Variants in SORCS2 observed in about 807,000 individuals in gnomAD.
SORCS2 encodes VPS10 domain-containing receptor SorCS2.
Under a neutral mutation model 141.6 loss-of-function variants are expected in SORCS2, and 100 were observed. The observed-to-expected ratio is 0.71, with a 90% CI of 0.60 to 0.83. SORCS2 has a LOEUF of 0.83. SORCS2 is among the 40% of genes least tolerant of loss of function. The probability of loss-of-function intolerance (pLI) is 0.00; values close to 1 mark genes in which losing one functional copy is unlikely to be tolerated. For missense variants in SORCS2, 1,646 were observed against 1,560.2 expected, an observed-to-expected ratio of 1.05 and a Z score of -0.93; for synonymous variants, 789 against 676.9, an observed-to-expected ratio of 1.17 and a Z score of -2.57.
rs1426008946 is a variant in SORCS2, at chr4:7,192,790, G to T, written c.144G>T (p.Ala48=). 5 of 1,014,980 alleles carry T rather than the reference G, an allele frequency of 4.9e-6. No individual in the cohort carries two copies. Among genetic ancestry groups the T allele is most frequent in the Non-Finnish European group, 5.9e-6 (5 of 851,346 alleles). The allele number at this position is 1,014,980 out of a possible 1,614,324, so 62.9% of individuals were successfully genotyped here. A position where few individuals can be genotyped will look rare whatever the true frequency, so the allele number is the denominator to read the frequency against. Residue 48 remains alanine, a synonymous_variant, in exon 1 of 27, where the codon GCG becomes GCT. Transcript: ENST00000507866. This position sits in a 1 kb window ranked among gnomAD's most constrained non-coding sequence, Gnocchi z 4.0. Reference sequence around the variant, plus strand: ...TGCTGCTGCTGGGCGCCTGCGGGGCGGCGGGGCGCTCCCCTGAGCCCGGGC... The same window carrying T: ...TGCTGCTGCTGGGCGCCTGCGGGGCTGCGGGGCGCTCCCCTGAGCCCGGGC... The part of the protein sequence containing the change: ...LLLLLLGACG[A]AGRSPEPGRL...
intron 2 of SORCS2, among the ~76,000 whole-genome samples, chr4:7,413,764 T>G (rs116696483): frequency 1.8e-3 from 278 of 152,352 alleles, no homozygotes; most frequent in Middle Eastern, 3.4e-3. Flanking sequence ...CAAGTCCTCA[T>G]TTTTAGACCT....
At chr4:7,577,939 A>G (rs1424261015) in intron 3 of SORCS2, among the ~76,000 whole-genome samples, 1 of 151,352 alleles carries the variant, frequency 6.6e-6, no homozygotes, top group Non-Finnish European at 1.5e-5. Flanking sequence ...TGGTTTGGAG[A>G]AGTCATATAG....
chr4:7,668,560 C>T lies in SORCS2; in HGVS notation c.1161+1347C>T, dbSNP rs187197316. Among the ~76,000 whole-genome samples, 198 of 152,286 alleles carry T rather than the reference C, an allele frequency of 1.3e-3. 1 individual carries two copies. The highest frequency in any genetic ancestry group is 4.1e-3 in the African/African-American group (171 of 41,570). On this transcript the variant is annotated intron_variant, in intron 8 of 26. Coordinates refer to ENST00000507866, the MANE Select transcript of SORCS2 (RefSeq NM_020777.3). ...GTGCTTGCACATGGGAGCTTCTGCA[C>T]TGGGCACCCTCAGACCTCTCCTGAG... is the stretch of plus-strand genomic sequence containing the variant.
chr4:7,305,412 A>C (rs1407656201), intron 1 of SORCS2, among the ~76,000 whole-genome samples: 3 of 148,850 alleles, frequency 2.0e-5, no homozygotes, highest in African/African-American at 7.5e-5. Flanking sequence ...TACAATCCTG[A>C]GAAGGAGGGG....
intron 1 of SORCS2, among the ~76,000 whole-genome samples, chr4:7,336,824 C>A (rs1720017080): frequency 6.6e-6 from 1 of 152,152 alleles, no homozygotes; most frequent in Admixed American, 6.5e-5. Flanking sequence ...GGGCTCGGGG[C>A]CCAGTTGGCA....
At chr4:7,303,107 T>C (rs1717552635) in intron 1 of SORCS2, among the ~76,000 whole-genome samples, 1 of 152,148 alleles carries the variant, frequency 6.6e-6, no homozygotes, top group South Asian at 2.1e-4. Context: ...GACGAGGTAA[T>C]AAAAAGCAAA....
At chr4:7,279,467 T>G (rs1379323189) in intron 1 of SORCS2, among the ~76,000 whole-genome samples, 1 of 152,216 alleles carries the variant, frequency 6.6e-6, no homozygotes, top group East Asian at 1.9e-4. Context: ...CTCATGCTGT[T>G]ACAATAAATG....
chr4:7,679,235 A>C (rs10013239), intron 9 of SORCS2, among the ~76,000 whole-genome samples: 98,215 of 151,980 alleles, frequency 0.65, 31,866 homozygotes, highest in Non-Finnish European at 0.66. Flanking sequence ...GACAGCAAAC[A>C]TTTCCTAGGC....
rs144344104 is a variant in SORCS2 at position 7,406,556 on chromosome 4, G to A, written c.548+10201G>A. Among the ~76,000 whole-genome samples the A allele has an allele frequency of 1.3e-3, 190 of 151,538 alleles. 1 individual carries two copies. Among genetic ancestry groups the A allele is most frequent in the African/African-American group, 4.4e-3 (183 of 41,436 alleles). ...TTTATACTTGTCCTAGTAACTCTTC[G>A]TATTTCTGTGGTCTCAGTTGTTATG... On this transcript the variant is annotated intron_variant, in intron 2 of 26. Transcript: ENST00000507866.
intron 2 of SORCS2, among the ~76,000 whole-genome samples, chr4:7,448,590 C>A (rs908009658): frequency 2.6e-5 from 2 of 78,266 alleles, no homozygotes; most frequent in Non-Finnish European, 5.2e-5. Context: ...TCTCCTTTCC[C>A]TCTCTTCCTC....
intron 1 of SORCS2, among the ~76,000 whole-genome samples, chr4:7,223,948 C>A (rs760209022): frequency 1.3e-5 from 2 of 152,206 alleles, no homozygotes; most frequent in Non-Finnish European, 2.9e-5. Context: ...ATGACTGATA[C>A]CTACCAGGCA....
intron 3 of SORCS2, among the ~76,000 whole-genome samples, chr4:7,540,349 G>A (rs576047525): frequency 6.6e-6 from 1 of 152,098 alleles, no homozygotes; most frequent in Non-Finnish European, 1.5e-5. Context: ...ATTAGCCCGG[G>A]TCCCGTGGAC....
intron 2 of SORCS2, among the ~76,000 whole-genome samples, chr4:7,443,196 T>A (rs969208862): frequency 6.6e-6 from 1 of 152,190 alleles, no homozygotes; most frequent in African/African-American, 2.4e-5. Context: ...ACATATCTTT[T>A]TTTGGGAGGA....
At chr4:7,260,522 G>T (rs1029299460) in intron 1 of SORCS2, among the ~76,000 whole-genome samples, 1 of 152,208 alleles carries the variant, frequency 6.6e-6, no homozygotes, top group Non-Finnish European at 1.5e-5. Context: ...TTTAACAGTT[G>T]TTTGTGGAAT....
In SORCS2 at chr4:7,728,333, T is replaced by C; in HGVS notation, c.2870-17T>C. On this transcript the variant is annotated splice_polypyrimidine_tract_variant and intron_variant, in intron 21 of 26. Transcript: ENST00000507866. ...CTGTCCAGAACTGACCAGTCTCCCTTCTCTGCGTCTTTCCAGATCAATTTC... is the reference window on the plus strand; with the variant it reads ...CTGTCCAGAACTGACCAGTCTCCCTCCTCTGCGTCTTTCCAGATCAATTTC... 6.2e-7 allele frequency: 1 copy of C among 1,600,690 alleles called. No homozygotes were observed. Among genetic ancestry groups the C allele is most frequent in the Non-Finnish European group, 8.5e-7 (1 of 1,169,712 alleles).
chr4:7,312,864 G>C (rs1396571206), intron 1 of SORCS2, among the ~76,000 whole-genome samples: 1 of 152,220 alleles, frequency 6.6e-6, no homozygotes, highest in African/African-American at 2.4e-5. Context: ...TGTGATATTG[G>C]GTGTCATGGG....
chr4:7,509,025 C>T (rs58855500), intron 2 of SORCS2, among the ~76,000 whole-genome samples: 37,639 of 152,026 alleles, frequency 0.25, 5,119 homozygotes, highest in South Asian at 0.38. Context: ...TGCCTCGGCA[C>T]GGCGACCTTT....
chr4:7,287,921 C>T (rs889517248), intron 1 of SORCS2, among the ~76,000 whole-genome samples: 1 of 152,240 alleles, frequency 6.6e-6, no homozygotes, highest in African/African-American at 2.4e-5. Flanking sequence ...AAATCCTCCA[C>T]ATGCAGGCCG....
chr4:7,211,592 C>T (rs191557447), intron 1 of SORCS2, among the ~76,000 whole-genome samples: 9 of 152,238 alleles, frequency 5.9e-5, no homozygotes, highest in Admixed American at 2.6e-4. Flanking sequence ...AGGCTGGTCT[C>T]GAACTCCTGA....
Sources: gnomAD v4.1 joint callset for allele counts (sites outside exome capture counted in the v4.1 genomes callset) on GRCh38, gnomAD v4.1.1 for gene constraint, Gnocchi (gnomAD v3.1) non-coding constraint, MANE v1.5 for transcripts, NCBI Gene and HGNC (gene_info 2026-07-23, HGNC 2026-07-21) for gene names.